ASTN2: variants seen among roughly 807,000 people sequenced by gnomAD.
ASTN2 encodes astrotactin 2.
A neutral mutation model predicts 139.8 loss-of-function variants in ASTN2; 54 were observed. That is an observed-to-expected ratio of 0.39 (90% confidence interval 0.31 to 0.48). The LOEUF (loss-of-function observed/expected upper bound fraction) is 0.48. Ranked by LOEUF, ASTN2 falls within the 20% of genes least tolerant of loss-of-function variation. ASTN2 has a pLI of 0.95. For synonymous variants in ASTN2, 756 were observed against 719.5 expected (o/e 1.05, Z -0.81); for missense variants, 1,565 against 1,725.1 (o/e 0.91, Z 1.64).
chr9:117,332,243 C>G (rs990874953), intron 1 of ASTN2, among the ~76,000 whole-genome samples: 1 of 152,126 alleles, frequency 6.6e-6, no homozygotes, highest in African/African-American at 2.4e-5. Flanking sequence ...TGTTGCCACC[C>G]TTTATAGCAT....
intron 1 of ASTN2, among the ~76,000 whole-genome samples, chr9:117,333,909 T>C (rs1489427857): frequency 6.6e-6 from 1 of 152,188 alleles, no homozygotes; most frequent in African/African-American, 2.4e-5. Flanking sequence ...TGTGTTTCAC[T>C]GCTTCCATGT....
At chr9:117,107,541 G>T (rs1359935282) in intron 4 of ASTN2, among the ~76,000 whole-genome samples, 2 of 152,004 alleles carry the variant, frequency 1.3e-5, no homozygotes, top group African/African-American at 4.8e-5. Context: ...AATTCATTCT[G>T]CCGTATCCTT....
At chr9:117,030,331 G>A (rs113353423) in intron 6 of ASTN2, among the ~76,000 whole-genome samples, 23 of 152,298 alleles carry the variant, frequency 1.5e-4, no homozygotes, top group African/African-American at 2.2e-4. Flanking sequence ...ACAACAGAAC[G>A]GAATTATTAA....
rs750564979 is a variant in ASTN2 at position 117,207,760 on chromosome 9, G to T, written c.1015+6598C>A. Among the ~76,000 whole-genome samples the T allele has an allele frequency of 5.3e-5, 8 of 152,140 alleles. 1 individual carries two copies. The South Asian group carries it at 1.7e-3, about 31-fold the overall frequency. On this transcript the variant is annotated intron_variant, in intron 3 of 22. Coordinates refer to ENST00000313400, the MANE Select transcript of ASTN2 (RefSeq NM_001365068.1). ...ACAGCCCCATGGCCCTAATATCAGG[G>T]AATCAGACCCCAAGCTGCATGAACA...
chr9:116,607,993 T>G (rs1388927843), intron 19 of ASTN2, among the ~76,000 whole-genome samples: 1 of 151,910 alleles, frequency 6.6e-6, no homozygotes, highest in Non-Finnish European at 1.5e-5. Context: ...AAAACAAGCT[T>G]GTCAGCAACT....
At chr9:116,450,386 C>T (rs977304807) in intron 20 of ASTN2, among the ~76,000 whole-genome samples, 1 of 152,168 alleles carries the variant, frequency 6.6e-6, no homozygotes, top group Non-Finnish European at 1.5e-5. Context: ...TACATTATTT[C>T]ATTTAATCCC....
chr9:117,012,822 G>T (rs551683715), intron 6 of ASTN2, among the ~76,000 whole-genome samples: 1 of 152,248 alleles, frequency 6.6e-6, no homozygotes, highest in East Asian at 1.9e-4. Flanking sequence ...TTTATTATTT[G>T]CAAGGCACTC....
intron 10 of ASTN2, among the ~76,000 whole-genome samples, chr9:116,919,549 T>C (rs1834539383): frequency 6.6e-6 from 1 of 152,172 alleles, no homozygotes; most frequent in African/African-American, 2.4e-5. Context: ...CTATGAATTT[T>C]TCATCCTTGC....
intron 12 of ASTN2, among the ~76,000 whole-genome samples, chr9:116,813,414 TG>T (rs1342438588): frequency 2.0e-5 from 3 of 152,192 alleles, no homozygotes; most frequent in Non-Finnish European, 4.4e-5. Context: ...TCCTGAGGCT[TG>T]GGACATCTAA....
Position 117,291,303 on chromosome 9 carries a change from G to T in ASTN2, c.630+23C>A, listed in dbSNP as rs370206962. The T allele has an allele frequency of 2.6e-6, 4 of 1,543,566 alleles. No individual in the cohort carries two copies. In the Admixed American group the frequency reaches 7.1e-5, roughly 27 times the overall value. Reference sequence around the variant, plus strand: ...CCTCCCCCACGCAATCCCCGACCCCGGTCACATCCCCCCATCACTCACCAT... The same window carrying T: ...CCTCCCCCACGCAATCCCCGACCCCTGTCACATCCCCCCATCACTCACCAT... On this transcript the variant is annotated intron_variant, in intron 2 of 22. Coordinates refer to ENST00000313400, the MANE Select transcript of ASTN2 (RefSeq NM_001365068.1).
intron 16 of ASTN2, among the ~76,000 whole-genome samples, chr9:116,693,769 G>A (rs1400453766): frequency 6.6e-6 from 1 of 152,160 alleles, no homozygotes; most frequent in Non-Finnish European, 1.5e-5. Context: ...TTAAAGATTT[G>A]GAATGATAAG....
chr9:117,050,648 C>T (rs961006349), intron 5 of ASTN2, among the ~76,000 whole-genome samples: 3 of 152,054 alleles, frequency 2.0e-5, no homozygotes, highest in South Asian at 2.1e-4. Context: ...GAATATGAAC[C>T]GAGACCTATT....
chr9:117,232,052 C>A (rs1164050013), intron 2 of ASTN2, among the ~76,000 whole-genome samples: 2 of 152,130 alleles, frequency 1.3e-5, no homozygotes, highest in African/African-American at 4.8e-5. Context: ...CACCCTGCCA[C>A]CTCCATGGGG....
At position 116,968,841 on chromosome 9, in the gene ASTN2, G is replaced by A. The variant is rs144958593; in HGVS notation, c.1889+6367C>T. Among the ~76,000 whole-genome samples, 1,200 of 149,744 alleles carry A rather than the reference G, an allele frequency of 8.0e-3. 17 individuals carry two copies. Among genetic ancestry groups the A allele is most frequent in the African/African-American group, 0.028 (1,141 of 40,818 alleles). ...TCGAGCTTGGGAGGTGGAGGTTGCA[G>A]TGAGCTGAGATGGCACCACTGCACT... On this transcript the variant is annotated intron_variant, in intron 10 of 22. Transcript: ENST00000313400.
In ASTN2 at chr9:117,341,381, T is replaced by G. The variant is rs1464269645; in HGVS notation, c.443-49868A>C. Reference sequence around the variant, plus strand: ...ATACACAGACAGATGGTGAGAGACATAGACAGACACAGCCTCTAAGCTAGG... The same window carrying G: ...ATACACAGACAGATGGTGAGAGACAGAGACAGACACAGCCTCTAAGCTAGG... On this transcript the variant is annotated intron_variant, in intron 1 of 22. Coordinates refer to ENST00000313400, the MANE Select transcript of ASTN2 (RefSeq NM_001365068.1). 2.0e-5 allele frequency among the ~76,000 whole-genome samples: 3 copies of G among 152,230 alleles called. No individual in the cohort carries two copies. The South Asian group carries it at 6.2e-4, about 32-fold the overall frequency.
chr9:117,032,078 A>T (rs1435424709), intron 6 of ASTN2, among the ~76,000 whole-genome samples: 2 of 152,188 alleles, frequency 1.3e-5, no homozygotes, highest in African/African-American at 4.8e-5. Context: ...TGTAACAGTA[A>T]CAGTAACAGT....
chr9:117,184,157 G>C (rs1391603683), intron 3 of ASTN2, among the ~76,000 whole-genome samples: 21 of 152,168 alleles, frequency 1.4e-4, no homozygotes. Flanking sequence ...GGACAACTCA[G>C]GCAACAGACA....
chr9:116,980,800 C>T (rs186952134), intron 7 of ASTN2, among the ~76,000 whole-genome samples: 5 of 152,296 alleles, frequency 3.3e-5, no homozygotes, highest in African/African-American at 4.8e-5. Flanking sequence ...TGCAACCAGG[C>T]ATTTCCTTCT....
intron 4 of ASTN2, among the ~76,000 whole-genome samples, chr9:117,108,438 AACACAC>A (rs3041147): frequency 3.7e-4 from 54 of 145,342 alleles, no homozygotes; most frequent in African/African-American, 6.3e-4. Context: ...AACAAAACAA[AACACAC>A]ACACACACAC....
Sources: gnomAD v4.1 joint callset for allele counts (sites outside exome capture counted in the v4.1 genomes callset) on GRCh38, gnomAD v4.1.1 for gene constraint, MANE v1.5 for transcripts, NCBI Gene and HGNC (gene_info 2026-07-23, HGNC 2026-07-21) for gene names.